Variants in UNC5C observed in about 807,000 individuals in gnomAD.
UNC5C encodes the protein unc-5 netrin receptor C, also known as netrin receptor UNC5C.
A neutral mutation model predicts 99.8 loss-of-function variants in UNC5C; 47 were observed. That is an observed-to-expected ratio of 0.47 (90% CI 0.37 to 0.60). The LOEUF is 0.60. UNC5C is among the 20% of genes least tolerant of loss of function. UNC5C has a pLI of 0.00. For synonymous variants in UNC5C, 487 were observed against 452.2 expected, an observed-to-expected ratio of 1.08 and a Z score of -0.98; for missense variants, 1,062 against 1,165.9, an observed-to-expected ratio of 0.91 and a Z score of 1.30.
At chr4:95,178,231 G>A (rs1409265111) in intron 14 of UNC5C, among the ~76,000 whole-genome samples, 1 of 152,186 alleles carries the variant, frequency 6.6e-6, no homozygotes, top group Non-Finnish European at 1.5e-5. Flanking sequence ...CATTTCTAAG[G>A]ATGCACCTCT....
intron 1 of UNC5C, among the ~76,000 whole-genome samples, chr4:95,441,525 A>G (rs897481443): frequency 3.9e-5 from 6 of 152,144 alleles, no homozygotes; most frequent in Non-Finnish European, 7.4e-5. Context: ...CTTTGGCCTA[A>G]TGTTATTTGT....
intron 14 of UNC5C, among the ~76,000 whole-genome samples, chr4:95,175,382 C>T (rs1325046724): frequency 0.015 from 2,215 of 151,224 alleles, 38 homozygotes; most frequent in African/African-American, 0.045. Context: ...TGGCTGGTAC[C>T]GGTTGTTCCT....
intron 2 of UNC5C, among the ~76,000 whole-genome samples, chr4:95,315,373 C>A (rs887395535): frequency 6.6e-6 from 1 of 152,076 alleles, no homozygotes; most frequent in Non-Finnish European, 1.5e-5. Flanking sequence ...AACCCAGATT[C>A]TGAGTATTTT....
chr4:95,205,271 G>A (rs3775048), intron 11 of UNC5C, among the ~76,000 whole-genome samples: 98,784 of 152,092 alleles, frequency 0.65, 32,669 homozygotes, highest in Middle Eastern at 0.8. Flanking sequence ...AGAATCATGC[G>A]AATAATTTAG....
chr4:95,254,055 G>A (rs1467311004), intron 4 of UNC5C, among the ~76,000 whole-genome samples: 5 of 152,094 alleles, frequency 3.3e-5, no homozygotes, highest in African/African-American at 1.2e-4. Flanking sequence ...TGTGCCACTG[G>A]GTCTGGGGAT....
At chr4:95,431,857 A>G (rs904165106) in intron 1 of UNC5C, among the ~76,000 whole-genome samples, 95 of 152,122 alleles carry the variant, frequency 6.2e-4, no homozygotes, top group African/African-American at 2.3e-3. Context: ...TTCAGTGATA[A>G]TGATGATGAT....
At chr4:95,509,941 TTAGA>T (rs1460319006) in intron 1 of UNC5C, among the ~76,000 whole-genome samples, 1 of 151,898 alleles carries the variant, frequency 6.6e-6, no homozygotes, top group Non-Finnish European at 1.5e-5. Context: ...TACAATATTG[TTAGA>T]TAGATTCTGT....
chr4:95,346,761 T>A (rs1384382269), intron 1 of UNC5C, among the ~76,000 whole-genome samples: 2 of 151,954 alleles, frequency 1.3e-5, no homozygotes, highest in African/African-American at 2.4e-5. Context: ...AGAGGAAATA[T>A]ACCTCACCAC....
At chr4:95,250,248 G>A (rs1200655477) in intron 5 of UNC5C, among the ~76,000 whole-genome samples, 3 of 152,064 alleles carry the variant, frequency 2.0e-5, no homozygotes, top group Non-Finnish European at 4.4e-5. Flanking sequence ...CGGGCATGGT[G>A]GTACATGCCT....
chr4:95,449,326 C>A (rs1747215265), intron 1 of UNC5C, among the ~76,000 whole-genome samples: 2 of 152,156 alleles, frequency 1.3e-5, no homozygotes, highest in African/African-American at 4.8e-5. Flanking sequence ...AATTCCAGGC[C>A]TTTCATGAAA....
rs952167212 is a variant in UNC5C at position 95,367,233 on chromosome 4, A to G, written c.125-31602T>C. 5.3e-5 allele frequency among the ~76,000 whole-genome samples: 8 copies of G among 150,956 alleles called. No homozygotes were observed. In the South Asian group the frequency reaches 8.4e-4, roughly 16 times the overall value. ...GAAAAATCCAGGAGTGCAGTGGCAA[A>G]TCATGGCTCACTGCAGCCTCCACTT... On this transcript the variant is annotated intron_variant, in intron 1 of 15. Coordinates refer to ENST00000453304, the MANE Select transcript of UNC5C (RefSeq NM_003728.4).
At chr4:95,519,205 C>G (rs1722288695) in intron 1 of UNC5C, among the ~76,000 whole-genome samples, 1 of 151,968 alleles carries the variant, frequency 6.6e-6, no homozygotes, top group African/African-American at 2.4e-5. Flanking sequence ...AAAAAAAATT[C>G]TAGGGGAGTA....
intron 5 of UNC5C, among the ~76,000 whole-genome samples, chr4:95,246,993 A>G (rs1318633648): frequency 6.6e-6 from 1 of 151,992 alleles, no homozygotes; most frequent in East Asian, 1.9e-4. Context: ...AGGAGCCAAG[A>G]TTGCGCCACT....
At chr4:95,235,642 T>C (rs1369870444) in intron 7 of UNC5C, among the ~76,000 whole-genome samples, 2 of 152,198 alleles carry the variant, frequency 1.3e-5, no homozygotes, top group Admixed American at 6.5e-5. Context: ...CTTTAATCCA[T>C]CTTGAATTAA....
chr4:95,390,405 CACA>C (rs1269828773), intron 1 of UNC5C, among the ~76,000 whole-genome samples: 3 of 125,976 alleles, frequency 2.4e-5, no homozygotes, highest in Non-Finnish European at 5.1e-5. Flanking sequence ...AAAAAAAAGA[CACA>C]ACAATACACT....
intron 1 of UNC5C, among the ~76,000 whole-genome samples, chr4:95,424,502 A>ATT (rs202226117): frequency 1.0e-5 from 1 of 95,838 alleles, no homozygotes; most frequent in African/African-American, 4.0e-5. Context: ...GGGCTTCAGA[A>ATT]TTTTTTTTTT....
At chr4:95,243,324 G>T (rs983221183) in intron 6 of UNC5C, among the ~76,000 whole-genome samples, 9 of 151,898 alleles carry the variant, frequency 5.9e-5, no homozygotes, top group Admixed American at 3.9e-4. Context: ...TTGGTGGCTG[G>T]CTTGTCAGCA....
chr4:95,526,009 G>C (rs1345758656), intron 1 of UNC5C, among the ~76,000 whole-genome samples: 1 of 152,106 alleles, frequency 6.6e-6, no homozygotes, highest in Non-Finnish European at 1.5e-5. Flanking sequence ...CACAGGTAAA[G>C]CATACTCTGT....
chr4:95,415,665 GT>G (rs1746141403), intron 1 of UNC5C, among the ~76,000 whole-genome samples: 2 of 152,018 alleles, frequency 1.3e-5, no homozygotes, highest in Non-Finnish European at 2.9e-5. Context: ...TTAAAATAGG[GT>G]TATTATATGC....
Sources: allele counts gnomAD v4.1 joint callset (sites outside exome capture counted in the v4.1 genomes callset), GRCh38; gene constraint gnomAD v4.1.1; transcripts MANE v1.5; gene names NCBI Gene and HGNC (gene_info 2026-07-23, HGNC 2026-07-21).